Variants in RASGRP1 observed in about 807,000 individuals in gnomAD.
RASGRP1 encodes the protein RAS guanyl-releasing protein 1.
A neutral mutation model predicts 95.1 loss-of-function variants in RASGRP1; 37 were observed. That is an observed-to-expected ratio of 0.39 (90% CI 0.30 to 0.51). The LOEUF is 0.51. Among genes scored for constraint, RASGRP1 ranks in the 20% least tolerant of loss-of-function variants. The pLI is 0.80. For synonymous variants in RASGRP1, 325 were observed against 353.4 expected (o/e 0.92, Z 0.90); for missense variants, 711 against 965.4 (o/e 0.74, Z 3.49).
chr15:38,564,355 T>C (rs1018375381), intron 1 of RASGRP1, among the ~76,000 whole-genome samples: 3 of 151,998 alleles, frequency 2.0e-5, no homozygotes, highest in Non-Finnish European at 2.9e-5. Context: ...CCGGACGAGC[T>C]CTGGCCTCGC....
At chr15:38,556,470 C>T (rs1031508314) in intron 2 of RASGRP1, among the ~76,000 whole-genome samples, 7 of 152,186 alleles carry the variant, frequency 4.6e-5, no homozygotes, top group African/African-American at 7.2e-5. Flanking sequence ...TGAATGCCCA[C>T]GATGCTTTAA....
intron 10 of RASGRP1, chr15:38,503,679 A>G: frequency 2.8e-6 from 1 of 355,594 alleles, no homozygotes; most frequent in Non-Finnish European, 5.1e-6. Flanking sequence ...AGAGCTATCA[A>G]CAAAGAGTAA....
In RASGRP1 at chr15:38,500,052, C is replaced by T. The variant is rs564303979; in HGVS notation, c.1720+51G>A. On this transcript the variant is annotated intron_variant, in intron 14 of 16. Coordinates refer to ENST00000310803, the MANE Select transcript of RASGRP1 (RefSeq NM_005739.4). Reference sequence around the variant, plus strand: ...AGTCTCAGGCAGTTCTCTATAGCAGCGTGAGAATGGACTGATACACCAGGA... The same window carrying T: ...AGTCTCAGGCAGTTCTCTATAGCAGTGTGAGAATGGACTGATACACCAGGA... 28 of 1,576,092 alleles carry T rather than the reference C, an allele frequency of 1.8e-5. No homozygotes were observed. The Admixed American group carries it at 2.5e-4, about 14-fold the overall frequency.
intron 15 of RASGRP1, 120 bp downstream of exon 15, chr15:38,498,674 G>T: frequency 7.9e-7 from 1 of 1,259,142 alleles, no homozygotes; most frequent in Non-Finnish European, 1.1e-6. Flanking sequence ...GTCAGCCCTG[G>T]CCTAGCTGTT....
chr15:38,516,813 G>GCAAGATGT (rs1458069663), intron 5 of RASGRP1, among the ~76,000 whole-genome samples: 1 of 152,090 alleles, frequency 6.6e-6, no homozygotes, highest in African/African-American at 2.4e-5. Flanking sequence ...AAGAACCACA[G>GCAAGATGT]CAAGATGTCA....
At chr15:38,529,679 C>T (rs1013052466) in intron 2 of RASGRP1, among the ~76,000 whole-genome samples, 26 of 152,116 alleles carry the variant, frequency 1.7e-4, no homozygotes, top group Middle Eastern at 3.2e-3. Flanking sequence ...CCACTTTTTC[C>T]ACAACTATAT....
rs1215497232 is a variant in RASGRP1, at chr15:38,511,667, C to G, written c.903G>C (p.Leu301=). The G allele has an allele frequency of 1.2e-5, 19 of 1,613,698 alleles. No homozygotes were observed. Among genetic ancestry groups the G allele is most frequent in the Non-Finnish European group, 1.5e-5 (18 of 1,179,672 alleles). Residue 301 remains leucine, a synonymous_variant, in exon 8 of 17, where the codon CTG becomes CTC. Coordinates refer to ENST00000310803, the MANE Select transcript of RASGRP1 (RefSeq NM_005739.4). ...FNTLMAVIGG[L]CHSSISRLKE... ...TGAGCCTCGAGATTGAGCTGTGACA[C>G]AGCCCACCTATCACAGCCATCAGTG...
chr15:38,538,848 A>G (rs1295349737), intron 2 of RASGRP1, among the ~76,000 whole-genome samples: 2 of 152,212 alleles, frequency 1.3e-5, no homozygotes, highest in African/African-American at 2.4e-5. Context: ...CAAGGTTCTG[A>G]ACTGAGTTCA....
chr15:38,543,561 C>CTTTTTTTTTTTTTT (rs1312763434), intron 2 of RASGRP1, among the ~76,000 whole-genome samples: 2 of 60,680 alleles, frequency 3.3e-5, no homozygotes, highest in South Asian at 5.0e-4. Flanking sequence ...AAACTCTAGT[C>CTTTTTTTTTTTTTT]TTTTTTTTTT....
intron 6 of RASGRP1, 126 bp from the exon 7 acceptor site, chr15:38,513,082 G>A: frequency 1.1e-6 from 1 of 935,884 alleles, no homozygotes; most frequent in Non-Finnish European, 1.5e-6. Flanking sequence ...GAACAGAGGA[G>A]CTCCTGGTGC....
chr15:38,541,025 G>T (rs570666378), intron 2 of RASGRP1, among the ~76,000 whole-genome samples: 1 of 152,260 alleles, frequency 6.6e-6, no homozygotes, highest in South Asian at 2.1e-4. Flanking sequence ...ACTGCTCTGA[G>T]CAGAGCAGAG....
At chr15:38,536,285 T>G (rs2141157568) in intron 2 of RASGRP1, among the ~76,000 whole-genome samples, 1 of 152,294 alleles carries the variant, frequency 6.6e-6, no homozygotes, top group Non-Finnish European at 1.5e-5. Context: ...AGCGGGGCCC[T>G]GTCCTAGCTT....
At chr15:38,509,947 C>A (rs62003604) in intron 8 of RASGRP1, among the ~76,000 whole-genome samples, 1,706 of 152,224 alleles carry the variant, frequency 0.011, 20 homozygotes, top group Non-Finnish European at 0.019. Context: ...TGGAGTCAGA[C>A]CCCTTCAAAT....
chr15:38,500,320 A>C (rs961244106), intron 13 of RASGRP1, among the ~76,000 whole-genome samples, 181 bp from the exon 14 acceptor site: 1 of 151,816 alleles, frequency 6.6e-6, no homozygotes, highest in Non-Finnish European at 1.5e-5. Context: ...TATGCTGATC[A>C]AAGTTTCTCA....
At chr15:38,563,025 G>A (rs1893877356) in intron 1 of RASGRP1, among the ~76,000 whole-genome samples, 1 of 152,186 alleles carries the variant, frequency 6.6e-6, no homozygotes, top group Non-Finnish European at 1.5e-5. Context: ...AGAGAACAGG[G>A]AGAAGAGAAA....
At position 38,505,608 on chromosome 15, in the gene RASGRP1, T is replaced by C. The variant is rs568107360; in HGVS notation, c.1323+232A>G. Among the ~76,000 whole-genome samples, 91 of 145,342 alleles carry C rather than the reference T, an allele frequency of 6.3e-4. 1 individual carries two copies. The highest frequency in any genetic ancestry group is 2.2e-3 in the African/African-American group (90 of 40,982). On this transcript the variant is annotated intron_variant, in intron 10 of 16. Coordinates refer to ENST00000310803, the MANE Select transcript of RASGRP1 (RefSeq NM_005739.4). ...TATTTACTGTTCACTAGTTATTCAC[T>C]GGTCACACATTAGGCTTATCCCTTC...
chr15:38,490,709 G>A, intron 16 of RASGRP1, 21 bp from the exon 17 acceptor site: 1 of 1,593,062 alleles, frequency 6.3e-7, no homozygotes, highest in Non-Finnish European at 8.6e-7. Context: ...AGGAGAATGA[G>A]GTATGTTAAT....
At chr15:38,495,203 A>G (rs1213297957) in intron 15 of RASGRP1, among the ~76,000 whole-genome samples, 1 of 152,044 alleles carries the variant, frequency 6.6e-6, no homozygotes, top group Non-Finnish European at 1.5e-5. Context: ...GCAGGTAAGT[A>G]CTCTCTGGGA....
rs191187249 is a variant in RASGRP1, at chr15:38,533,567, A to C, written c.221-7163T>G. The stretch of plus-strand genomic sequence containing the variant: ...AGCGGACGGCAGCAACTTAGGCAGG[A>C]AGTGCATGTGAAGAAACAATGTGGT... On this transcript the variant is annotated intron_variant, in intron 2 of 16. Transcript: ENST00000310803. Among the ~76,000 whole-genome samples, 250 of 152,302 alleles carry C rather than the reference A, an allele frequency of 1.6e-3. 1 individual carries two copies. The highest frequency in any genetic ancestry group is 4.6e-3 in the African/African-American group (191 of 41,564).
Sources: allele counts gnomAD v4.1 joint callset (sites outside exome capture counted in the v4.1 genomes callset), GRCh38; gene constraint gnomAD v4.1.1; transcripts MANE v1.5; gene names NCBI Gene and HGNC (gene_info 2026-07-23, HGNC 2026-07-21).